Variants in RAPGEF6 observed in about 807,000 individuals in gnomAD.
The protein encoded by RAPGEF6 is PDZ domain containing guanine nucleotide exchange factor (GEF) 2.
Under a neutral mutation model 171.4 loss-of-function variants are expected in RAPGEF6, and 56 were observed. That is an observed-to-expected ratio of 0.33 (90% CI 0.26 to 0.41). The LOEUF is 0.41. Ranked by LOEUF, RAPGEF6 falls within the 10% of genes least tolerant of loss-of-function variation. RAPGEF6 has a pLI of 1.00. For synonymous variants in RAPGEF6, 692 were observed against 650.1 expected, an observed-to-expected ratio of 1.06 and a Z score of -0.98; for missense variants, 1,674 against 1,921.4, an observed-to-expected ratio of 0.87 and a Z score of 2.41.
At chr5:131,603,079 A>G (rs1764348393) in intron 3 of RAPGEF6, among the ~76,000 whole-genome samples, 192 bp downstream of exon 3, 1 of 152,200 alleles carries the variant, frequency 6.6e-6, no homozygotes, top group South Asian at 2.1e-4. Flanking sequence ...TTACACATTT[A>G]GTATATATTT....
chr5:131,442,342 TACTC>T lies in RAPGEF6; in HGVS notation c.3610+3_3610+6del. 1 of 1,605,870 alleles carries T rather than the reference TACTC, an allele frequency of 6.2e-7. No homozygotes were observed. The highest frequency in any genetic ancestry group is 8.5e-7 in the Non-Finnish European group (1 of 1,175,806). ...AAACGGATGTAATATTAATGGTGAA[TACTC>T]ACTCAGTGCAGGGTCTTTTGTTTGT... On this transcript the variant is annotated splice_donor_5th_base_variant and intron_variant, in intron 23 of 27. Transcript: ENST00000509018.
chr5:131,487,280 A>T lies in RAPGEF6; in HGVS notation c.1840+2266T>A, dbSNP rs191950954. ...GACCCAAAGAGTGAGCAGCAGCAAG[A>T]TTTATTGTGAAGAATGAAAGAACAA... On this transcript the variant is annotated intron_variant, in intron 15 of 27. Transcript: ENST00000509018. Among the ~76,000 whole-genome samples, 503 of 152,316 alleles carry T rather than the reference A, an allele frequency of 3.3e-3. 2 individuals are homozygous for T. The highest frequency in any genetic ancestry group is 0.012 in the African/African-American group (482 of 41,574).
At chr5:131,609,664 C>T (rs1232927748) in intron 1 of RAPGEF6, among the ~76,000 whole-genome samples, 1 of 152,194 alleles carries the variant, frequency 6.6e-6, no homozygotes, top group East Asian at 1.9e-4. Context: ...GCAACAGAGA[C>T]CAACCGTATG....
At chr5:131,433,308 T>C in intron 25 of RAPGEF6, 122 bp downstream of exon 25, 2 of 755,326 alleles carry the variant, frequency 2.6e-6, no homozygotes, top group East Asian at 5.3e-5. Context: ...TTGGCCCACA[T>C]ATTCTTTTAT....
intron 7 of RAPGEF6, among the ~76,000 whole-genome samples, chr5:131,519,208 T>A (rs1441059404): frequency 2.0e-5 from 3 of 152,172 alleles, no homozygotes. Flanking sequence ...CTGCAGGTGC[T>A]AATATAAGTG....
intron 17 of RAPGEF6, among the ~76,000 whole-genome samples, chr5:131,467,385 C>A: frequency 6.6e-6 from 1 of 152,192 alleles, no homozygotes; most frequent in East Asian, 1.9e-4. Flanking sequence ...GATGAATCTG[C>A]CAAGGTAACA....
At chr5:131,543,345 T>A (rs1760281450) in intron 6 of RAPGEF6, among the ~76,000 whole-genome samples, 1 of 152,152 alleles carries the variant, frequency 6.6e-6, no homozygotes. Context: ...AGAAATTAAA[T>A]AATACTTTTC....
At chr5:131,625,338 T>C (rs992813783) in intron 1 of RAPGEF6, among the ~76,000 whole-genome samples, 13 of 152,284 alleles carry the variant, frequency 8.5e-5, no homozygotes, top group Non-Finnish European at 1.8e-4. Flanking sequence ...TTATGTTTTA[T>C]AGTTCATTTC....
chr5:131,611,706 G>C (rs1038336384), intron 1 of RAPGEF6, among the ~76,000 whole-genome samples: 6 of 151,970 alleles, frequency 3.9e-5, no homozygotes, highest in Non-Finnish European at 5.9e-5. Context: ...GAGGCTTTTT[G>C]GTTTATTGCT....
At chr5:131,442,757 A>C (rs967240662) in intron 22 of RAPGEF6, among the ~76,000 whole-genome samples, 1 of 152,184 alleles carries the variant, frequency 6.6e-6, no homozygotes, top group Non-Finnish European at 1.5e-5. Context: ...ATTGTAGAAT[A>C]AGTTGTTAAT....
At chr5:131,523,024 A>T (rs996169184) in intron 6 of RAPGEF6, among the ~76,000 whole-genome samples, 1 of 152,092 alleles carries the variant, frequency 6.6e-6, no homozygotes, top group Admixed American at 6.5e-5. Context: ...AATTAAAAAA[A>T]TTTTTTTTCA....
chr5:131,623,630 C>A (rs1263744119), intron 1 of RAPGEF6, among the ~76,000 whole-genome samples: 1 of 151,946 alleles, frequency 6.6e-6, no homozygotes, highest in Non-Finnish European at 1.5e-5. Context: ...GGATTACAGG[C>A]ATGCACCACC....
intron 4 of RAPGEF6, among the ~76,000 whole-genome samples, chr5:131,589,352 T>C (rs1763454108): frequency 6.6e-6 from 1 of 152,198 alleles, no homozygotes; most frequent in South Asian, 2.1e-4. Flanking sequence ...CTTTATAAGG[T>C]AGTCTTTAGT....
At chr5:131,525,759 G>C (rs148564003) in intron 6 of RAPGEF6, among the ~76,000 whole-genome samples, 90 of 152,182 alleles carry the variant, frequency 5.9e-4, no homozygotes, top group African/African-American at 2.0e-3. Flanking sequence ...GTCAGGGGTA[G>C]GAGATAGTAT....
At chr5:131,529,989 C>T (rs1406127800) in intron 6 of RAPGEF6, among the ~76,000 whole-genome samples, 1 of 146,276 alleles carries the variant, frequency 6.8e-6, no homozygotes, top group Non-Finnish European at 1.5e-5. Context: ...CTCACTGCAA[C>T]CTCTGCCTCC....
In RAPGEF6 at chr5:131,433,674, G is replaced by C. The variant is rs754357361; in HGVS notation, c.3746-16C>G. 6 of 1,560,094 alleles carry C rather than the reference G, an allele frequency of 3.8e-6. No individual in the cohort carries two copies. The highest frequency in any genetic ancestry group is 3.4e-4 in the Middle Eastern group (2 of 5,968). The stretch of plus-strand genomic sequence containing the variant: ...AGTGTGTAACCTGAACAAGAAAAGA[G>C]CACTGATCAAACTACAAAAAAAGGG... On this transcript the variant is annotated splice_polypyrimidine_tract_variant and intron_variant, in intron 24 of 27. Transcript: ENST00000509018.
At chr5:131,619,518 A>G (rs569354373) in intron 1 of RAPGEF6, among the ~76,000 whole-genome samples, 36 of 152,336 alleles carry the variant, frequency 2.4e-4, no homozygotes, top group Admixed American at 1.1e-3. Flanking sequence ...GAAAGTCTCA[A>G]TGATATGCTT....
chr5:131,550,447 C>A (rs778908420), intron 5 of RAPGEF6, among the ~76,000 whole-genome samples: 1 of 152,156 alleles, frequency 6.6e-6, no homozygotes, highest in Non-Finnish European at 1.5e-5. Context: ...CACAAAAATT[C>A]TAATTAGATA....
rs1327071868 is a variant in RAPGEF6, at chr5:131,424,728, T to A, written c.*2538A>T. The A allele has an allele frequency of 6.6e-6, 1 of 152,290 alleles. No individual in the cohort carries two copies. The highest frequency in any genetic ancestry group is 1.9e-4 in the East Asian group (1 of 5,284). 9.4% of individuals were successfully genotyped at this position (152,290 alleles called of 1,614,324 possible). A position where few individuals can be genotyped will look rare whatever the true frequency, so the allele number is the denominator to read the frequency against. On this transcript the variant is annotated 3_prime_UTR_variant, in exon 28 of 28. Coordinates refer to ENST00000509018, the MANE Select transcript of RAPGEF6 (RefSeq NM_016340.6). ...ACTTTAATAAGCTTTTATGGAATCA[T>A]GTACTGGATTTACTAATTCTCAAAA...
Sources: allele counts gnomAD v4.1 joint callset (sites outside exome capture counted in the v4.1 genomes callset), GRCh38; gene constraint gnomAD v4.1.1; transcripts MANE v1.5; gene names NCBI Gene and HGNC (gene_info 2026-07-23, HGNC 2026-07-21).